Variants in TDRD7 observed in about 807,000 individuals in gnomAD.
TDRD7 encodes the protein tudor domain-containing protein 7.
TDRD7 carries 47 observed loss-of-function variants against 109.8 expected under a neutral mutation model. The observed-to-expected ratio is 0.43, with a 90% CI of 0.34 to 0.55. The LOEUF (loss-of-function observed/expected upper bound fraction) is 0.55. Ranked by LOEUF, TDRD7 falls within the 20% of genes least tolerant of loss-of-function variation. TDRD7 has a pLI of 0.03. For missense variants in TDRD7, 1,164 were observed against 1,319.2 expected, an observed-to-expected ratio of 0.88 and a Z score of 1.82; for synonymous variants, 424 against 457.3, an observed-to-expected ratio of 0.93 and a Z score of 0.93.
Position 97,483,059 on chromosome 9 carries a change from G to C in TDRD7, c.2623G>C (p.Glu875Gln). Residue 875 changes from glutamate to glutamine, a missense_variant, in exon 15 of 17, where the codon GAG becomes CAG. Transcript: ENST00000355295. ...CATGCCCATGTCGGGCAACACTGGAGAGAATTTCAGAAAGAACCTCACAGA... is the reference window on the plus strand; with the variant it reads ...CATGCCCATGTCGGGCAACACTGGACAGAATTTCAGAAAGAACCTCACAGA... Reference protein sequence around the residue: ...GNMPMSGNTGENFRKNLTDVI... With the variant: ...GNMPMSGNTGQNFRKNLTDVI... 2 of 1,614,136 alleles carry C rather than the reference G, an allele frequency of 1.2e-6. No individual in the cohort carries two copies. The highest frequency in any genetic ancestry group is 1.7e-6 in the Non-Finnish European group (2 of 1,180,022).
At chr9:97,422,538 T>C (rs768043155) in intron 1 of TDRD7, among the ~76,000 whole-genome samples, 2 of 152,260 alleles carry the variant, frequency 1.3e-5, no homozygotes, top group Non-Finnish European at 2.9e-5. Flanking sequence ...TCAGCCTTAT[T>C]GCACTGGCTA....
Position 97,439,329 on chromosome 9 carries a change from C to T in TDRD7, c.637+11C>T. On this transcript the variant is annotated intron_variant, in intron 5 of 16. Transcript: ENST00000355295. ...CTAAGGAAATGAGTGGTATGTTTTC[C>T]AAACATTTTTGAGATACATATTGGC... The T allele has an allele frequency of 6.2e-7, 1 of 1,600,394 alleles. No homozygotes were observed. The highest frequency in any genetic ancestry group is 2.2e-5 in the East Asian group (1 of 44,766).
chr9:97,454,823 A>T (rs1477285910), intron 6 of TDRD7, among the ~76,000 whole-genome samples: 1 of 152,182 alleles, frequency 6.6e-6, no homozygotes, highest in Non-Finnish European at 1.5e-5. Flanking sequence ...ACAAGAAATA[A>T]CTAAGATCAG....
intron 1 of TDRD7, among the ~76,000 whole-genome samples, chr9:97,413,719 C>T (rs2118178136): frequency 6.6e-6 from 1 of 152,316 alleles, no homozygotes; most frequent in African/African-American, 2.4e-5. Context: ...TCTCCTGTGC[C>T]CCAATCCAGG....
intron 16 of TDRD7, among the ~76,000 whole-genome samples, chr9:97,491,909 C>A (rs576045040): frequency 2.2e-4 from 33 of 152,286 alleles, no homozygotes; most frequent in African/African-American, 7.5e-4. Flanking sequence ...GGAGGTAAAA[C>A]TCTCAAAAGT....
chr9:97,460,605 C>A lies in TDRD7; in HGVS notation c.1283C>A (p.Ala428Asp), dbSNP rs752046246. 17 of 1,614,054 alleles carry A rather than the reference C, an allele frequency of 1.1e-5. No individual in the cohort carries two copies. The African/African-American group carries it at 2.3e-4, about 22-fold the overall frequency. ...GCACATGGTGATAATGATATCAAGG[C>A]TATGGTTGAACAAGAGTATTTGCAG... is the stretch of plus-strand genomic sequence containing the variant. ...GQAHGDNDIK[A>D]MVEQEYLQVE... Residue 428 changes from alanine to aspartate, a missense_variant, in exon 7 of 17, where the codon GCT (alanine) becomes GAT (aspartate). Ala to Asp is a moderately radical substitution (Grantham distance 126, BLOSUM62 -2). This residue lies in a region of TDRD7 where 407 missense variants were observed against 394.0 expected (regional missense o/e 1.03). Transcript: ENST00000355295.
At chr9:97,453,193 T>C (rs1828530752) in intron 6 of TDRD7, among the ~76,000 whole-genome samples, 1 of 152,076 alleles carries the variant, frequency 6.6e-6, no homozygotes, top group Non-Finnish European at 1.5e-5. Flanking sequence ...AGTATTGAGA[T>C]TGGTATGTGA....
In TDRD7 at chr9:97,473,835, G is replaced by A. The variant is rs74357949; in HGVS notation, c.2079+209G>A. On this transcript the variant is annotated intron_variant, in intron 11 of 16. Transcript: ENST00000355295. ...ACTAGTTTCTGCAATGTAAAACGAA[G>A]ATAGCAATAGTGTGTACCCTATAGG... 3.7e-3 allele frequency among the ~76,000 whole-genome samples: 567 copies of A among 152,302 alleles called. 16 individuals are homozygous for A. The East Asian group carries it at 0.079, about 21-fold the overall frequency.
At chr9:97,474,950 T>G (rs1828990288) in intron 11 of TDRD7, among the ~76,000 whole-genome samples, 1 of 152,172 alleles carries the variant, frequency 6.6e-6, no homozygotes, top group South Asian at 2.1e-4. Flanking sequence ...AACATTTCTT[T>G]GTTTTGGAAT....
chr9:97,461,340 A>G (rs942032593), intron 7 of TDRD7, among the ~76,000 whole-genome samples: 10 of 152,250 alleles, frequency 6.6e-5, no homozygotes, highest in Non-Finnish European at 7.3e-5. Flanking sequence ...GTCAAAAGCA[A>G]TACCTAGTTC....
intron 6 of TDRD7, among the ~76,000 whole-genome samples, chr9:97,442,154 A>G (rs1828317635): frequency 6.6e-6 from 1 of 152,212 alleles, no homozygotes; most frequent in African/African-American, 2.4e-5. Flanking sequence ...AAACCATTTT[A>G]TAATGATTGA....
chr9:97,489,357 T>C (rs1053314776), intron 16 of TDRD7, among the ~76,000 whole-genome samples: 1 of 152,230 alleles, frequency 6.6e-6, no homozygotes. Context: ...AGGATTAGTA[T>C]GTCGTCTTGG....
chr9:97,462,508 G>A (rs1828742651), intron 7 of TDRD7, among the ~76,000 whole-genome samples: 1 of 152,130 alleles, frequency 6.6e-6, no homozygotes. Flanking sequence ...TTCTGTACTG[G>A]CATCTTCACC....
chr9:97,496,049 CAG>C lies in TDRD7; in HGVS notation c.*169_*170del. On this transcript the variant is annotated 3_prime_UTR_variant, in exon 17 of 17. Transcript: ENST00000355295. ...AGATATTTAACAAGTTTTGTTTTAA[CAG>C]AGTTGACTTTTCAAAGAAAATTGTA... 2 of 626,148 alleles carry C rather than the reference CAG, an allele frequency of 3.2e-6. No homozygotes were observed. The highest frequency in any genetic ancestry group is 2.8e-6 in the Non-Finnish European group (1 of 356,352). 38.8% of individuals were successfully genotyped at this position (626,148 alleles called of 1,614,324 possible). A position where few individuals can be genotyped will look rare whatever the true frequency, so the allele number is the denominator to read the frequency against.
chr9:97,451,466 T>A (rs1352104717), intron 6 of TDRD7, among the ~76,000 whole-genome samples: 1 of 151,208 alleles, frequency 6.6e-6, no homozygotes, highest in Non-Finnish European at 1.5e-5. Context: ...ATTTTTAAAA[T>A]TTTTTTGTTG....
chr9:97,464,000 T>C (rs979835307), intron 7 of TDRD7, among the ~76,000 whole-genome samples: 2 of 152,184 alleles, frequency 1.3e-5, no homozygotes, highest in African/African-American at 4.8e-5. Context: ...CACAGCTTTG[T>C]TTTTTCTCTA....
At chr9:97,447,226 A>G (rs1021886136) in intron 6 of TDRD7, among the ~76,000 whole-genome samples, 18 of 152,190 alleles carry the variant, frequency 1.2e-4, no homozygotes, top group African/African-American at 4.1e-4. Flanking sequence ...CCCATAGTAC[A>G]CTAGAAGGAG....
In TDRD7 at chr9:97,414,013, C is replaced by T. The variant is rs532331623; in HGVS notation, c.-7+1775C>T. Among the ~76,000 whole-genome samples the T allele has an allele frequency of 4.6e-5, 7 of 152,266 alleles. No homozygotes were observed. The East Asian group carries it at 7.7e-4, about 17-fold the overall frequency. On this transcript the variant is annotated intron_variant, in intron 1 of 16. Transcript: ENST00000355295. ...ATAAAGAAAAAATATAATCCAACCC[C>T]GAGTGCCTAATTTGTGTTTGTCAAG...
intron 6 of TDRD7, among the ~76,000 whole-genome samples, chr9:97,442,991 T>C (rs1216574967): frequency 2.0e-5 from 3 of 152,198 alleles, no homozygotes; most frequent in Non-Finnish European, 2.9e-5. Flanking sequence ...AGACAGGGTT[T>C]CACCATGTTG....
Sources: allele counts gnomAD v4.1 joint callset (sites outside exome capture counted in the v4.1 genomes callset), GRCh38; gene constraint gnomAD v4.1.1; regional missense constraint gnomAD v4.1.1; transcripts MANE v1.5; gene names NCBI Gene and HGNC (gene_info 2026-07-23, HGNC 2026-07-21).